Variants in PPFIA4 observed in about 807,000 individuals in gnomAD.
PPFIA4 encodes the protein PPFI scaffold protein A4, also known as liprin-alpha-4.
PPFIA4 carries 98 observed loss-of-function variants against 145.7 expected under a neutral mutation model. That is an observed-to-expected ratio of 0.67 (90% confidence interval 0.57 to 0.80). The LOEUF is 0.80. PPFIA4 is among the 30% of genes least tolerant of loss of function. The pLI is 0.00. For missense variants in PPFIA4, 1,457 were observed against 1,632.7 expected, an observed-to-expected ratio of 0.89 and a Z score of 1.85; for synonymous variants, 628 against 649.6, an observed-to-expected ratio of 0.97 and a Z score of 0.51.
chr1:203,029,818 C>T (rs1401975145), intron 1 of PPFIA4, among the ~76,000 whole-genome samples: 2 of 152,112 alleles, frequency 1.3e-5, no homozygotes, highest in South Asian at 2.1e-4. Context: ...TAACCCTGAA[C>T]AGTAATATGA....
At position 203,048,899 on chromosome 1, in the gene PPFIA4, C is replaced by G. The variant is rs937680094; in HGVS notation, c.1357-19C>G. 6.5e-7 allele frequency: 1 copy of G among 1,547,836 alleles called. No individual in the cohort carries two copies. ...GGGAGAGGAAGGCAGGGGCCTGGCT[C>G]ACAGCTGCTCTCCCCCAGAACACGT... is the stretch of plus-strand genomic sequence containing the variant. On this transcript the variant is annotated intron_variant, in intron 11 of 29. Transcript: ENST00000295706. The surrounding 1 kb of genome is among the most constrained non-coding windows in gnomAD (Gnocchi z 5.8).
chr1:203,042,231 G>T (rs1659742470), intron 2 of PPFIA4, among the ~76,000 whole-genome samples: 1 of 152,222 alleles, frequency 6.6e-6, no homozygotes, highest in Non-Finnish European at 1.5e-5. Flanking sequence ...TAGCTAAACA[G>T]GATATGATGA....
At chr1:203,044,582 A>G (rs1659929787) in intron 5 of PPFIA4, 114 bp from the exon 6 acceptor site, 1 of 1,395,214 alleles carries the variant, frequency 7.2e-7, no homozygotes, top group Non-Finnish European at 9.8e-7. Flanking sequence ...GGCTAGGCTG[A>G]GCACCTCTTT....
At chr1:203,070,698 G>C (rs1662094075) in intron 27 of PPFIA4, among the ~76,000 whole-genome samples, 1 of 151,960 alleles carries the variant, frequency 6.6e-6, no homozygotes, top group Non-Finnish European at 1.5e-5. Context: ...GAGGCCTAGA[G>C]AGAGTCTGTA....
chr1:203,033,324 G>C (rs375830754), intron 1 of PPFIA4, among the ~76,000 whole-genome samples: 21 of 152,224 alleles, frequency 1.4e-4, no homozygotes, highest in Non-Finnish European at 2.4e-4. Context: ...AAACTCTTAA[G>C]TGGGGCTTTT....
intron 6 of PPFIA4, 59 bp downstream of exon 6, chr1:203,044,844 G>A (rs1659954306): frequency 7.0e-7 from 1 of 1,437,384 alleles, no homozygotes; most frequent in African/African-American, 1.4e-5. Flanking sequence ...GGAGGTTGGA[G>A]GCCCGGCTCT....
Position 203,061,025 on chromosome 1 carries a change from C to A in PPFIA4, c.2840C>A (p.Thr947Asn). ...GAGATGGAAACTCTGGAAACATCTA[C>A]TAAAACAGTGAGTCTGGCCCTTGGC... ...HEEMETLETSTKTDSEEGSWA... is the reference protein window; with the variant it reads ...HEEMETLETSNKTDSEEGSWA... The change falls in exon 23 of 30, where the codon ACT becomes AAT. Residue 947 changes from threonine to asparagine, a missense_variant. Coordinates refer to ENST00000295706, the MANE Select transcript of PPFIA4 (RefSeq NM_001304331.2). 3 of 1,613,976 alleles carry A rather than the reference C, an allele frequency of 1.9e-6. No individual in the cohort carries two copies. Among genetic ancestry groups the A allele is most frequent in the Non-Finnish European group, 2.5e-6 (3 of 1,179,824 alleles).
At chr1:203,050,589 G>T (rs1319459623) in intron 13 of PPFIA4, among the ~76,000 whole-genome samples, 1 of 152,188 alleles carries the variant, frequency 6.6e-6, no homozygotes, top group African/African-American at 2.4e-5. Flanking sequence ...ATGAAGAAAG[G>T]TTAATGGAAA....
rs1206762815 is a variant in PPFIA4, at chr1:203,051,781, C to T, written c.1524C>T (p.Gly508=). Residue 508 remains glycine, a synonymous_variant, in exon 14 of 30, where the codon GGC becomes GGT. Coordinates refer to ENST00000295706, the MANE Select transcript of PPFIA4 (RefSeq NM_001304331.2). ...ATCACCGCTCAAGGTCGCACATGGG[C>T]AGTGCAGCAGACGTGCGGTTCTCCC... ...VDGVHSRSHM[G]SAADVRFSLG... 6.2e-7 allele frequency: 1 copy of T among 1,612,852 alleles called. No individual in the cohort carries two copies. Among genetic ancestry groups the T allele is most frequent in the East Asian group, 2.2e-5 (1 of 44,876 alleles).
At position 203,039,216 on chromosome 1, in the gene PPFIA4, C is replaced by T. The variant is rs201079783; in HGVS notation, c.208C>T (p.Arg70Cys). ...DAIHERDQLQRHLNSALPQEF... is the reference protein window; with the variant it reads ...DAIHERDQLQCHLNSALPQEF... The stretch of plus-strand genomic sequence containing the variant: ...CATACACGAGCGGGACCAGCTCCAG[C>T]GCCACCTTAACTCCGCCCTCCCCCA... Residue 70 changes from arginine (R) to cysteine (C), a missense_variant, in exon 2 of 30, where the codon CGC becomes TGC. Arg to Cys is a radical substitution (Grantham distance 180, BLOSUM62 -3). This residue lies in a region of PPFIA4 where 463 missense variants were observed against 459.8 expected (regional missense o/e 1.01). Coordinates refer to ENST00000295706, the MANE Select transcript of PPFIA4 (RefSeq NM_001304331.2). 921 of 1,599,228 alleles carry T rather than the reference C, an allele frequency of 5.8e-4. 2 individuals carry two copies. The highest frequency in any genetic ancestry group is 7.4e-4 in the Non-Finnish European group (870 of 1,173,886).
At chr1:203,049,523 C>T (rs1660340285) in intron 12 of PPFIA4, among the ~76,000 whole-genome samples, 153 bp from the exon 13 acceptor site, 1 of 152,216 alleles carries the variant, frequency 6.6e-6, no homozygotes, top group Non-Finnish European at 1.5e-5. Context: ...CATCTGTGGG[C>T]CTGGCCTGGG....
At chr1:203,073,220 T>C (rs558191983) in intron 28 of PPFIA4, among the ~76,000 whole-genome samples, 1 of 152,278 alleles carries the variant, frequency 6.6e-6, no homozygotes, top group East Asian at 1.9e-4. Context: ...GATGAGGAAA[T>C]TGAAGCTCTA....
Position 203,078,365 on chromosome 1 carries a change from A to G in PPFIA4, c.*1975A>G, listed in dbSNP as rs908389046. On this transcript the variant is annotated 3_prime_UTR_variant, in exon 30 of 30. Transcript: ENST00000295706. ...GATGGGCTGGCTGTAAGGGAGACTC[A>G]GTCCCAGCCTCTCCCCTCTACAACT... 8 of 152,236 alleles carry G rather than the reference A, an allele frequency of 5.3e-5. No individual in the cohort carries two copies. Among genetic ancestry groups the G allele is most frequent in the African/African-American group, 1.9e-4 (8 of 41,452 alleles). The allele number at this position is 152,236 out of a possible 1,614,324, so 9.4% of individuals were successfully genotyped here.
chr1:203,076,621 G>C lies in PPFIA4; in HGVS notation c.*231G>C. 1 of 575,400 alleles carries C rather than the reference G, an allele frequency of 1.7e-6. No individual in the cohort carries two copies. Among genetic ancestry groups the C allele is most frequent in the Non-Finnish European group, 3.1e-6 (1 of 322,320 alleles). The allele number at this position is 575,400 out of a possible 1,614,324, so 35.6% of individuals were successfully genotyped here. A position where few individuals can be genotyped will look rare whatever the true frequency, so the allele number is the denominator to read the frequency against. ...GTGGCTGGGGTTTCCTGGTATTGTG[G>C]AGGCACCCAGGTTGTCCATGCTTGG... On this transcript the variant is annotated 3_prime_UTR_variant, in exon 30 of 30. Coordinates refer to ENST00000295706, the MANE Select transcript of PPFIA4 (RefSeq NM_001304331.2).
At chr1:203,051,276 A>G in intron 13 of PPFIA4, 2 of 986,034 alleles carry the variant, frequency 2.0e-6, no homozygotes, top group Non-Finnish European at 2.4e-6. Context: ...CCAGGGACTC[A>G]GTCCAGATTA....
chr1:203,078,061 C>T lies in PPFIA4; in HGVS notation c.*1671C>T, dbSNP rs1169991137. ...GTGCCAGGGCTTAAAGCCCGCTGCT[C>T]CTTTTCGGTAGAGGAGAGGCCCATC... On this transcript the variant is annotated 3_prime_UTR_variant, in exon 30 of 30. Transcript: ENST00000295706. 1 of 152,242 alleles carries T rather than the reference C, an allele frequency of 6.6e-6. No individual in the cohort carries two copies. Among genetic ancestry groups the T allele is most frequent in the Non-Finnish European group, 1.5e-5 (1 of 68,072 alleles). 9.4% of individuals were successfully genotyped at this position (152,242 alleles called of 1,614,324 possible).
In PPFIA4 at chr1:203,029,560, A is replaced by G. The variant is rs372475532; in HGVS notation, c.-400+2931A>G. 3.9e-5 allele frequency among the ~76,000 whole-genome samples: 6 copies of G among 152,320 alleles called. No homozygotes were observed. In the East Asian group the frequency reaches 1.2e-3, roughly 29 times the overall value. ...TGTCTTACATGTCTTTTGCTTTCAT[A>G]ACAGTATCGGATGCATGGAAATCAC... is the stretch of plus-strand genomic sequence containing the variant. On this transcript the variant is annotated intron_variant, in intron 1 of 29. Transcript: ENST00000295706.
At chr1:203,072,234 T>TGACA (rs1375922372) in intron 28 of PPFIA4, among the ~76,000 whole-genome samples, 7 of 152,200 alleles carry the variant, frequency 4.6e-5, no homozygotes, top group African/African-American at 1.7e-4. Context: ...GGTTGTTAAA[T>TGACA]GACAGGTTTG....
Position 203,068,889 on chromosome 1 carries a change from C to T in PPFIA4, c.3324+261C>T, listed in dbSNP as rs1180389654. On this transcript the variant is annotated intron_variant, in intron 27 of 29. Transcript: ENST00000295706. This position sits in a 1 kb window ranked among gnomAD's most constrained non-coding sequence, Gnocchi z 4.7. ...ACAGTGTGCTCTTACAATGCGCATC[C>T]CCGTCCTGCCCTGGGTACCTCTATC... Among the ~76,000 whole-genome samples, 3 of 152,172 alleles carry T rather than the reference C, an allele frequency of 2.0e-5. No homozygotes were observed. The highest frequency in any genetic ancestry group is 2.9e-5 in the Non-Finnish European group (2 of 68,028).
Sources: allele counts gnomAD v4.1 joint callset (sites outside exome capture counted in the v4.1 genomes callset), GRCh38; gene constraint gnomAD v4.1.1; regional missense constraint gnomAD v4.1.1; non-coding constraint Gnocchi (gnomAD v3.1); transcripts MANE v1.5; gene names NCBI Gene and HGNC (gene_info 2026-07-23, HGNC 2026-07-21).